The following EXOC2 variants were observed in gnomAD, a reference collection of about 807,000 sequenced individuals.
EXOC2 encodes SEC5-like 1.
Under a neutral mutation model 131.8 loss-of-function variants are expected in EXOC2, and 70 were observed. The observed-to-expected ratio is 0.53, with a 90% CI of 0.44 to 0.65. EXOC2 has a LOEUF of 0.65. Among genes scored for constraint, EXOC2 ranks in the 30% least tolerant of loss-of-function variants. EXOC2 has a pLI of 0.00. For missense variants in EXOC2, 923 were observed against 1,108.6 expected (o/e 0.83, Z 2.38); for synonymous variants, 411 against 398.4 (o/e 1.03, Z -0.38).
intron 4 of EXOC2, among the ~76,000 whole-genome samples, chr6:626,655 G>A (rs111339180): frequency 0.013 from 1,991 of 151,714 alleles, 50 homozygotes; most frequent in African/African-American, 0.044. Context: ...GCAGTGACCC[G>A]ACCTCTGCTC....
chr6:526,432 A>ATTTTTTTT (rs70985804), intron 23 of EXOC2, among the ~76,000 whole-genome samples: 2 of 76,006 alleles, frequency 2.6e-5, no homozygotes, highest in Non-Finnish European at 4.9e-5. Context: ...TTCTTTGTGG[A>ATTTTTTTT]TTTTTTTTTT....
intron 20 of EXOC2, among the ~76,000 whole-genome samples, chr6:554,177 G>T (rs1321221958): frequency 3.3e-5 from 5 of 152,056 alleles, no homozygotes; most frequent in African/African-American, 1.2e-4. Flanking sequence ...GAGTAGCTGG[G>T]ATTACAGGCG....
chr6:509,485 A>G (rs1554119144), intron 23 of EXOC2, among the ~76,000 whole-genome samples: 3 of 152,196 alleles, frequency 2.0e-5, no homozygotes, highest in Non-Finnish European at 4.4e-5. Flanking sequence ...AGTATCCCTA[A>G]TATATGCTCC....
At chr6:626,706 C>T (rs1761588623) in intron 4 of EXOC2, among the ~76,000 whole-genome samples, 1 of 152,152 alleles carries the variant, frequency 6.6e-6, no homozygotes, top group Non-Finnish European at 1.5e-5. Flanking sequence ...ATTCTCCTGC[C>T]TCAGCCTCCC....
chr6:635,878 T>C (rs1462935147), intron 2 of EXOC2, among the ~76,000 whole-genome samples: 1 of 152,210 alleles, frequency 6.6e-6, no homozygotes, highest in East Asian at 1.9e-4. Flanking sequence ...CTGGCCAATA[T>C]GGTAAAACCC....
chr6:487,098 CTT>C (rs1445481070), intron 27 of EXOC2, among the ~76,000 whole-genome samples: 3 of 152,134 alleles, frequency 2.0e-5, no homozygotes. Context: ...TTCAAATTCA[CTT>C]TTTGTTAGAT....
At chr6:599,853 A>C (rs1278635596) in intron 7 of EXOC2, among the ~76,000 whole-genome samples, 1 of 143,344 alleles carries the variant, frequency 7.0e-6, no homozygotes, top group East Asian at 2.0e-4. Flanking sequence ...ACATTTCCTA[A>C]GTTTTTTTTT....
At chr6:532,716 ATTTTCCTACAAAAACTCG>A in intron 22 of EXOC2, 106 bp from the exon 23 acceptor site, 1 of 1,107,032 alleles carries the variant, frequency 9.0e-7, no homozygotes, top group Non-Finnish European at 1.2e-6. Flanking sequence ...GCACTTCTCA[ATTTTCCTACAAAAACTCG>A]TGACTTTTAT....
intron 1 of EXOC2, among the ~76,000 whole-genome samples, chr6:659,282 T>C (rs750272087): frequency 6.6e-6 from 1 of 152,256 alleles, no homozygotes; most frequent in Non-Finnish European, 1.5e-5. Context: ...ATCTTTGTCT[T>C]ATTTGTAACT....
At chr6:558,252 C>T (rs968001504) in intron 17 of EXOC2, among the ~76,000 whole-genome samples, 7 of 152,174 alleles carry the variant, frequency 4.6e-5, no homozygotes, top group African/African-American at 9.7e-5. Context: ...GCTTTAATGT[C>T]ATGTTATTTC....
chr6:487,842 TC>T (rs1463261648), intron 27 of EXOC2, among the ~76,000 whole-genome samples: 1 of 152,184 alleles, frequency 6.6e-6, no homozygotes, highest in African/African-American at 2.4e-5. Flanking sequence ...TAGAATGCTA[TC>T]CCCACAGCAA....
In EXOC2 at chr6:495,326, G is replaced by A. The variant is rs1025366514; in HGVS notation, c.2559+2041C>T. Among the ~76,000 whole-genome samples the A allele has an allele frequency of 2.3e-4, 35 of 151,120 alleles. 1 individual carries two copies. Among genetic ancestry groups the A allele is most frequent in the East Asian group, 5.8e-4 (3 of 5,134 alleles). Reference sequence around the variant, plus strand: ...ATTTTTAGTAGAGACGGGTTTCACCGTGTTAGCCAGGATGGTCTCGATCTC... The same window carrying A: ...ATTTTTAGTAGAGACGGGTTTCACCATGTTAGCCAGGATGGTCTCGATCTC... On this transcript the variant is annotated intron_variant, in intron 25 of 27. Coordinates refer to ENST00000230449, the MANE Select transcript of EXOC2 (RefSeq NM_018303.6).
chr6:488,970 A>C lies in EXOC2; in HGVS notation c.2681+9T>G. ...CAACTGGCTCCTAAGAACAGCACAC[A>C]GGACTTACTTTTTATCTGCTCCACT... On this transcript the variant is annotated intron_variant, in intron 27 of 27. Coordinates refer to ENST00000230449, the MANE Select transcript of EXOC2 (RefSeq NM_018303.6). The C allele has an allele frequency of 6.2e-7, 1 of 1,613,944 alleles. No homozygotes were observed. The highest frequency in any genetic ancestry group is 8.5e-7 in the Non-Finnish European group (1 of 1,179,874).
At chr6:494,974 G>A (rs1397069774) in intron 25 of EXOC2, among the ~76,000 whole-genome samples, 1 of 152,034 alleles carries the variant, frequency 6.6e-6, no homozygotes, top group Non-Finnish European at 1.5e-5. Context: ...GACTTCCTGG[G>A]CTCAAGCAAG....
At chr6:682,527 C>T (rs1764459481) in intron 1 of EXOC2, among the ~76,000 whole-genome samples, 1 of 152,116 alleles carries the variant, frequency 6.6e-6, no homozygotes, top group African/African-American at 2.4e-5. Context: ...AAGTTCATTT[C>T]CACACATGAT....
intron 11 of EXOC2, among the ~76,000 whole-genome samples, chr6:579,866 G>A (rs1758789049): frequency 6.6e-6 from 1 of 151,664 alleles, no homozygotes; most frequent in African/African-American, 2.4e-5. Context: ...CTGGTTTCAT[G>A]AGTAAGCATT....
intron 11 of EXOC2, among the ~76,000 whole-genome samples, chr6:581,949 T>C (rs1758927427): frequency 6.6e-6 from 1 of 152,184 alleles, no homozygotes; most frequent in Non-Finnish European, 1.5e-5. Context: ...AAAATACCTC[T>C]AGACATTTTA....
At chr6:640,615 T>C (rs887378925) in intron 1 of EXOC2, among the ~76,000 whole-genome samples, 1 of 152,168 alleles carries the variant, frequency 6.6e-6, no homozygotes, top group East Asian at 1.9e-4. Context: ...TAATCCAGTA[T>C]GACTGGTGTC....
chr6:558,807 G>A (rs1189575130), intron 17 of EXOC2, among the ~76,000 whole-genome samples: 11 of 151,378 alleles, frequency 7.3e-5, no homozygotes, highest in African/African-American at 2.4e-4. Flanking sequence ...GCGAGACTCC[G>A]GCTCAAAAAA....
Sources: gnomAD v4.1 joint callset for allele counts (sites outside exome capture counted in the v4.1 genomes callset) on GRCh38, gnomAD v4.1.1 for gene constraint, MANE v1.5 for transcripts, NCBI Gene and HGNC (gene_info 2026-07-23, HGNC 2026-07-21) for gene names.